SYT1: variants seen among roughly 807,000 people sequenced by gnomAD.
The protein encoded by SYT1 is synaptotagmin-1.
SYT1 carries 8 observed loss-of-function variants against 44.8 expected under a neutral mutation model. The ratio of observed to expected loss-of-function variants is 0.18; its 90% CI spans 0.10 to 0.32. The LOEUF (loss-of-function observed/expected upper bound fraction) is 0.32. Among genes scored for constraint, SYT1 ranks in the 10% least tolerant of loss-of-function variants. SYT1 has a pLI of 1.00. For missense variants in SYT1, 286 were observed against 509.3 expected, an observed-to-expected ratio of 0.56 and a Z score of 4.22; for synonymous variants, 154 against 188.8, an observed-to-expected ratio of 0.82 and a Z score of 1.51.
At chr12:78,935,028 T>C (rs1877976563) in intron 1 of SYT1, among the ~76,000 whole-genome samples, 1 of 152,222 alleles carries the variant, frequency 6.6e-6, no homozygotes, top group African/African-American at 2.4e-5. Context: ...TGAATTCATT[T>C]CCAATGAATG....
At chr12:79,034,418 C>T (rs1872998643) in intron 2 of SYT1, among the ~76,000 whole-genome samples, 1 of 151,598 alleles carries the variant, frequency 6.6e-6, no homozygotes, top group Non-Finnish European at 1.5e-5. Context: ...AATTGATTTA[C>T]TACCCTCTCA....
chr12:79,179,478 GAGATATAGATATATCTATAT>G (rs1210655813), intron 3 of SYT1, among the ~76,000 whole-genome samples: 231 of 17,992 alleles, frequency 0.013, 4 homozygotes, highest in Non-Finnish European at 0.023. Flanking sequence ...TATAGATATA[GAGATATAGATATATCTATAT>G]AGATATAGAT....
At chr12:78,942,429 G>T (rs1485648747) in intron 1 of SYT1, among the ~76,000 whole-genome samples, 1 of 151,972 alleles carries the variant, frequency 6.6e-6, no homozygotes, top group Non-Finnish European at 1.5e-5. Context: ...TCTTTCTCAT[G>T]GCCTCTCTCC....
chr12:79,066,986 T>C (rs980434187), intron 3 of SYT1, among the ~76,000 whole-genome samples: 3 of 152,218 alleles, frequency 2.0e-5, no homozygotes, highest in African/African-American at 7.2e-5. Flanking sequence ...ATTACATGAA[T>C]GTTACTATAC....
chr12:78,972,727 C>T (rs112560731), intron 1 of SYT1, among the ~76,000 whole-genome samples: 12 of 150,808 alleles, frequency 8.0e-5, no homozygotes, highest in African/African-American at 2.9e-4. Flanking sequence ...TTTTTTTTCA[C>T]CTTTGAGTTT....
chr12:78,988,264 T>C (rs1162839128), intron 2 of SYT1, among the ~76,000 whole-genome samples: 2 of 151,750 alleles, frequency 1.3e-5, no homozygotes, highest in African/African-American at 2.4e-5. Flanking sequence ...AAATGAGATA[T>C]TAAACAAATA....
intron 3 of SYT1, among the ~76,000 whole-genome samples, chr12:79,196,149 C>CTGT (rs58474358): frequency 0.02 from 2,364 of 118,774 alleles, 33 homozygotes; most frequent in African/African-American, 0.049. Context: ...ATTTCTAATT[C>CTGT]TGTTGTTGTT....
chr12:79,040,087 G>C lies in SYT1; in HGVS notation c.-83-7210G>C, dbSNP rs1873437966. On this transcript the variant is annotated intron_variant, in intron 2 of 10. Transcript: ENST00000261205. ...GAGTAATGCCGCAATAAACATACGG[G>C]TGCATGTGTCTTTATAGCAGCATGC... Among the ~76,000 whole-genome samples, 3 of 152,212 alleles carry C rather than the reference G, an allele frequency of 2.0e-5. 1 individual carries two copies. The highest frequency in any genetic ancestry group is 6.8e-3 in the Middle Eastern group (2 of 294).
chr12:79,270,465 C>G (rs554743506), intron 4 of SYT1, among the ~76,000 whole-genome samples: 38 of 152,256 alleles, frequency 2.5e-4, no homozygotes, highest in African/African-American at 8.4e-4. Context: ...TGTCTTGAGG[C>G]TCTTGGCTGA....
intron 9 of SYT1, among the ~76,000 whole-genome samples, chr12:79,443,790 G>A (rs1870562252): frequency 6.6e-6 from 1 of 152,126 alleles, no homozygotes; most frequent in Admixed American, 6.6e-5. Context: ...CATAGACATA[G>A]GGAAATGCTG....
At chr12:79,040,162 G>C (rs1873445074) in intron 2 of SYT1, among the ~76,000 whole-genome samples, 1 of 151,900 alleles carries the variant, frequency 6.6e-6, no homozygotes, top group Non-Finnish European at 1.5e-5. Context: ...TGGGTCAAAT[G>C]GTATTTCTAG....
intron 3 of SYT1, among the ~76,000 whole-genome samples, chr12:79,178,827 G>T (rs1162458907): frequency 2.7e-5 from 4 of 149,470 alleles, no homozygotes; most frequent in Non-Finnish European, 5.9e-5. Flanking sequence ...GCCCAGGCTG[G>T]AGTGCGATGG....
intron 2 of SYT1, among the ~76,000 whole-genome samples, chr12:78,985,190 G>T (rs1016617439): frequency 6.6e-6 from 1 of 151,740 alleles, no homozygotes; most frequent in East Asian, 1.9e-4. Context: ...TCATAATACA[G>T]TTCTGTTTAA....
intron 3 of SYT1, among the ~76,000 whole-genome samples, chr12:79,111,875 A>C (rs1014426685): frequency 6.6e-6 from 1 of 152,244 alleles, no homozygotes; most frequent in African/African-American, 2.4e-5. Context: ...CATGTTCTAA[A>C]AAATTTTACT....
At chr12:79,305,988 C>G (rs377081057) in intron 8 of SYT1, among the ~76,000 whole-genome samples, 14 of 152,214 alleles carry the variant, frequency 9.2e-5, no homozygotes, top group Admixed American at 6.5e-4. Flanking sequence ...TGAGCCACTG[C>G]ACCTGGCCCA....
intron 1 of SYT1, among the ~76,000 whole-genome samples, chr12:78,973,062 C>T (rs141821871): frequency 1.6e-4 from 25 of 152,214 alleles, no homozygotes; most frequent in Admixed American, 9.2e-4. Flanking sequence ...TTTGCCCAAT[C>T]GGGTTTTATT....
At chr12:79,236,610 T>C (rs1029652417) in intron 4 of SYT1, among the ~76,000 whole-genome samples, 16 of 152,230 alleles carry the variant, frequency 1.1e-4, no homozygotes, top group Non-Finnish European at 1.3e-4. Flanking sequence ...TAAGCTCATA[T>C]CTTCCTTACT....
chr12:79,369,219 T>C (rs1029403903), intron 9 of SYT1, among the ~76,000 whole-genome samples: 2 of 152,182 alleles, frequency 1.3e-5, no homozygotes, highest in East Asian at 1.9e-4. Flanking sequence ...TGGTGGCTCA[T>C]CCCTGTAATC....
chr12:78,970,524 A>T (rs1422146735), intron 1 of SYT1, among the ~76,000 whole-genome samples: 1 of 152,196 alleles, frequency 6.6e-6, no homozygotes, highest in Non-Finnish European at 1.5e-5. Context: ...GAAAAAAAAT[A>T]AGACAGAGAC....
Sources: allele counts gnomAD v4.1 joint callset (sites outside exome capture counted in the v4.1 genomes callset), GRCh38; gene constraint gnomAD v4.1.1; transcripts MANE v1.5; gene names NCBI Gene and HGNC (gene_info 2026-07-23, HGNC 2026-07-21).